CAMKMT: variants seen among roughly 807,000 people sequenced by gnomAD.
CAMKMT encodes calmodulin-lysine N-methyltransferase.
Under a neutral mutation model 48.0 loss-of-function variants are expected in CAMKMT, and 53 were observed. The observed-to-expected ratio is 1.10, with a 90% CI of 0.89 to 1.39. The LOEUF (loss-of-function observed/expected upper bound fraction) is 1.39, where lower values mean the gene tolerates loss of function less well. Ranked by LOEUF, CAMKMT falls within the 40% of genes most tolerant of loss-of-function variation. The pLI is 0.00. For missense variants in CAMKMT, 428 were observed against 402.7 expected (o/e 1.06, Z -0.54); for synonymous variants, 165 against 152.3 (o/e 1.08, Z -0.61).
intron 3 of CAMKMT, among the ~76,000 whole-genome samples, chr2:44,455,422 G>A (rs907424496): frequency 1.9e-4 from 29 of 152,178 alleles, no homozygotes; most frequent in African/African-American, 6.3e-4. Context: ...ATGATACACT[G>A]TAAGGGCTTC....
intron 1 of CAMKMT, among the ~76,000 whole-genome samples, chr2:44,365,255 T>C (rs879275875): frequency 1.3e-5 from 2 of 152,170 alleles, no homozygotes; most frequent in Non-Finnish European, 2.9e-5. Flanking sequence ...CCTATAGAGC[T>C]CCAAGGCTGT....
intron 3 of CAMKMT, among the ~76,000 whole-genome samples, chr2:44,685,566 G>A (rs1018071116): frequency 3.3e-5 from 5 of 152,178 alleles, no homozygotes; most frequent in African/African-American, 9.7e-5. Flanking sequence ...GATTCTAGAA[G>A]CATTATGCTC....
intron 3 of CAMKMT, among the ~76,000 whole-genome samples, chr2:44,637,171 A>G (rs17032442): frequency 0.027 from 4,146 of 152,264 alleles, 186 homozygotes; most frequent in African/African-American, 0.094. Context: ...GCTTTCATTC[A>G]TTTTTCAGTT....
intron 3 of CAMKMT, among the ~76,000 whole-genome samples, chr2:44,641,147 T>A (rs929087022): frequency 3.3e-5 from 5 of 152,232 alleles, no homozygotes; most frequent in African/African-American, 9.6e-5. Context: ...AGTAATGGTA[T>A]AGATATATAA....
intron 7 of CAMKMT, among the ~76,000 whole-genome samples, chr2:44,726,503 A>C (rs1482319549): frequency 6.6e-6 from 1 of 152,084 alleles, no homozygotes; most frequent in African/African-American, 2.4e-5. Context: ...AGTTCCCTAG[A>C]GATTCTAGAT....
chr2:44,675,078 AG>A (rs368420691), intron 3 of CAMKMT, among the ~76,000 whole-genome samples: 4 of 137,692 alleles, frequency 2.9e-5, no homozygotes, highest in South Asian at 4.5e-4. Flanking sequence ...ACCAACCTTA[AG>A]GGGGGGAAAA....
chr2:44,733,392 A>G (rs1679185238), intron 7 of CAMKMT, among the ~76,000 whole-genome samples: 1 of 152,188 alleles, frequency 6.6e-6, no homozygotes, highest in African/African-American at 2.4e-5. Flanking sequence ...CTTGTATCCC[A>G]CAATCCTACT....
At chr2:44,714,081 T>A in intron 6 of CAMKMT, among the ~76,000 whole-genome samples, 1 of 152,050 alleles carries the variant, frequency 6.6e-6, no homozygotes, top group East Asian at 1.9e-4. Context: ...AATGGGAAAG[T>A]GAGGGCAGTT....
intron 3 of CAMKMT, among the ~76,000 whole-genome samples, chr2:44,412,939 G>A (rs933348412): frequency 2.6e-5 from 4 of 151,650 alleles, no homozygotes; most frequent in African/African-American, 9.7e-5. Context: ...AGCCAGGTGT[G>A]GTGGCGTGCG....
At chr2:44,588,252 G>A (rs1355255214) in intron 3 of CAMKMT, among the ~76,000 whole-genome samples, 2 of 50,114 alleles carry the variant, frequency 4.0e-5, no homozygotes, top group Admixed American at 2.7e-4. Flanking sequence ...CAGCCACCCC[G>A]TCTGGGAAGT....
chr2:44,735,956 C>A (rs1414409569), intron 7 of CAMKMT, among the ~76,000 whole-genome samples: 2 of 152,082 alleles, frequency 1.3e-5, no homozygotes, highest in African/African-American at 4.8e-5. Context: ...CAGTAGTATA[C>A]TGCCATTGGT....
chr2:44,422,913 C>T (rs1318779255), intron 3 of CAMKMT, among the ~76,000 whole-genome samples: 1 of 152,086 alleles, frequency 6.6e-6, no homozygotes, highest in Non-Finnish European at 1.5e-5. Flanking sequence ...TTATTTTTAT[C>T]ACTGTAAGGT....
intron 3 of CAMKMT, among the ~76,000 whole-genome samples, chr2:44,478,476 A>G (rs698813): frequency 0.81 from 122,472 of 151,872 alleles, 49,811 homozygotes; most frequent in African/African-American, 0.91. Context: ...GATTTTCTTT[A>G]GTTTATAGAC....
chr2:44,422,133 G>A (rs988074486), intron 3 of CAMKMT, among the ~76,000 whole-genome samples: 1 of 152,088 alleles, frequency 6.6e-6, no homozygotes, highest in Non-Finnish European at 1.5e-5. Context: ...CTCATTGCTT[G>A]GTGCCGTCCT....
chr2:44,381,190 A>G (rs1680209937), intron 2 of CAMKMT, among the ~76,000 whole-genome samples: 1 of 152,182 alleles, frequency 6.6e-6, no homozygotes. Context: ...CAGAATGACA[A>G]GTTTTGCTTC....
In CAMKMT at chr2:44,527,430, A is replaced by AT. The variant is rs5830792; in HGVS notation, c.376+137136dup. Among the ~76,000 whole-genome samples the AT allele has an allele frequency of 9.1e-4, 98 of 107,842 alleles. 1 individual carries two copies. The highest frequency in any genetic ancestry group is 2.4e-3 in the South Asian group (9 of 3,740). The allele number at this position is 107,842 out of a possible 152,430, so 70.7% of individuals were successfully genotyped here. ...GTATATATATTATATATATATATAT[A>AT]TTTTTTTTTTTGGTAGAGATGAGGT... On this transcript the variant is annotated intron_variant, in intron 3 of 10. Coordinates refer to ENST00000378494, the MANE Select transcript of CAMKMT (RefSeq NM_024766.5).
intron 3 of CAMKMT, among the ~76,000 whole-genome samples, chr2:44,418,192 CAAA>C (rs70965353): frequency 3.4e-5 from 4 of 118,876 alleles, no homozygotes; most frequent in East Asian, 2.9e-4. Context: ...AACTCTGTCT[CAAA>C]AAAAAAAAAA....
chr2:44,667,719 T>G (rs1558782592), intron 3 of CAMKMT, among the ~76,000 whole-genome samples: 3 of 152,054 alleles, frequency 2.0e-5, no homozygotes, highest in Admixed American at 6.6e-5. Flanking sequence ...ACCTCTGAAA[T>G]CTCCAGGTCA....
At chr2:44,652,483 T>C (rs988948040) in intron 3 of CAMKMT, among the ~76,000 whole-genome samples, 2 of 152,184 alleles carry the variant, frequency 1.3e-5, no homozygotes, top group Non-Finnish European at 2.9e-5. Flanking sequence ...TGACAACCCC[T>C]CTGGGGTCTC....
Sources: gnomAD v4.1 joint callset for allele counts (sites outside exome capture counted in the v4.1 genomes callset) on GRCh38, gnomAD v4.1.1 for gene constraint, MANE v1.5 for transcripts, NCBI Gene and HGNC (gene_info 2026-07-23, HGNC 2026-07-21) for gene names.